GLI2: variants seen among roughly 807,000 people sequenced by gnomAD.
The protein encoded by GLI2 is GLI family zinc finger 2.
GLI2 carries 22 observed loss-of-function variants against 78.9 expected under a neutral mutation model. The ratio of observed to expected loss-of-function variants is 0.28; its 90% CI spans 0.20 to 0.40. The LOEUF is 0.40. Ranked by LOEUF, GLI2 falls within the 10% of genes least tolerant of loss-of-function variation. GLI2 has a pLI of 1.00. For missense variants in GLI2, 2,097 were observed against 2,213.2 expected (o/e 0.95, Z 1.05); for synonymous variants, 974 against 963.7 (o/e 1.01, Z -0.20).
chr2:120,797,485 A>C lies in GLI2; in HGVS notation c.148+17A>C. On this transcript the variant is annotated intron_variant, in intron 2 of 13. Coordinates refer to ENST00000361492, the MANE Select transcript of GLI2 (RefSeq NM_001374353.1). Reference sequence around the variant, plus strand: ...CCCAAGGAGGTACTTTCTGTTTCGCACACTTGGAGGGCAGCAGGGGTGTTT... The same window carrying C: ...CCCAAGGAGGTACTTTCTGTTTCGCCCACTTGGAGGGCAGCAGGGGTGTTT... 2 of 1,611,380 alleles carry C rather than the reference A, an allele frequency of 1.2e-6. No individual in the cohort carries two copies. Among genetic ancestry groups the C allele is most frequent in the Non-Finnish European group, 8.5e-7 (1 of 1,177,774 alleles).
rs532826015 is a variant in GLI2 at position 120,834,353 on chromosome 2, C to T, written c.148+36885C>T. ...GCAGGGCCAGAAGCTTAGGGTTGGC[C>T]GGTTTGAATGATTCTAGCAGTCTCT... On this transcript the variant is annotated intron_variant, in intron 2 of 13. Coordinates refer to ENST00000361492, the MANE Select transcript of GLI2 (RefSeq NM_001374353.1). 1.4e-4 allele frequency among the ~76,000 whole-genome samples: 22 copies of T among 152,218 alleles called. No homozygotes were observed. The South Asian group carries it at 2.7e-3, about 19-fold the overall frequency.
intron 1 of GLI2, among the ~76,000 whole-genome samples, chr2:120,750,008 C>G (rs1682815167): frequency 6.6e-6 from 1 of 152,196 alleles, no homozygotes; most frequent in Admixed American, 6.5e-5. Context: ...CGTCACAGCT[C>G]CCTCTCCTCC....
At chr2:120,837,120 C>G (rs550381959) in intron 2 of GLI2, among the ~76,000 whole-genome samples, 2 of 152,078 alleles carry the variant, frequency 1.3e-5, no homozygotes, top group African/African-American at 4.8e-5. Flanking sequence ...TTAGGCCGGG[C>G]GCGGTGGCTC....
intron 3 of GLI2, among the ~76,000 whole-genome samples, chr2:120,937,094 CCAAA>C (rs1326834027): frequency 5.3e-5 from 8 of 152,150 alleles, no homozygotes; most frequent in Non-Finnish European, 4.4e-5. Context: ...CCTGTGCTGC[CCAAA>C]CAAAGTAGCA....
intron 2 of GLI2, among the ~76,000 whole-genome samples, chr2:120,887,885 C>T (rs1038464088): frequency 1.1e-4 from 16 of 152,166 alleles, no homozygotes; most frequent in Admixed American, 5.2e-4. Flanking sequence ...ATATGACAGG[C>T]GCTAAGAAGC....
intron 3 of GLI2, among the ~76,000 whole-genome samples, chr2:120,949,328 C>A (rs1680868493): frequency 6.6e-6 from 1 of 152,264 alleles, no homozygotes. Context: ...TCCACAGTCT[C>A]CCTCCCATTG....
intron 2 of GLI2, among the ~76,000 whole-genome samples, chr2:120,882,393 C>T (rs966314289): frequency 2.6e-5 from 4 of 152,202 alleles, no homozygotes; most frequent in African/African-American, 7.2e-5. Context: ...CTGCCGGCTG[C>T]GGGATGTGAT....
chr2:120,816,221 C>T (rs1241447183), intron 2 of GLI2, among the ~76,000 whole-genome samples: 1 of 139,220 alleles, frequency 7.2e-6, no homozygotes, highest in Non-Finnish European at 1.5e-5. Context: ...GACTGAGTCT[C>T]GCTGTGTCGC....
intron 2 of GLI2, among the ~76,000 whole-genome samples, chr2:120,811,274 G>T (rs370581021): frequency 6.6e-6 from 1 of 152,188 alleles, no homozygotes; most frequent in Non-Finnish European, 1.5e-5. Context: ...TGGGGTCAGA[G>T]TTGGGCCCTT....
chr2:120,841,850 T>TGG (rs1558827867), intron 2 of GLI2, among the ~76,000 whole-genome samples: 2 of 123,412 alleles, frequency 1.6e-5, no homozygotes, highest in African/African-American at 3.2e-5. Context: ...GTCTGGAGGG[T>TGG]GTGTGTGTGT....
intron 1 of GLI2, among the ~76,000 whole-genome samples, chr2:120,780,256 G>A (rs1683804562): frequency 6.6e-6 from 1 of 152,194 alleles, no homozygotes; most frequent in Non-Finnish European, 1.5e-5. Flanking sequence ...ATCCAGATGA[G>A]CAGATGTCTT....
At chr2:120,764,812 C>G (rs1366453567) in intron 1 of GLI2, among the ~76,000 whole-genome samples, 1 of 152,192 alleles carries the variant, frequency 6.6e-6, no homozygotes, top group South Asian at 2.1e-4. Flanking sequence ...ATTCACATAA[C>G]GTGGAACATC....
chr2:120,909,682 G>A (rs1159686111), intron 2 of GLI2, among the ~76,000 whole-genome samples: 1 of 152,068 alleles, frequency 6.6e-6, no homozygotes, highest in African/African-American at 2.4e-5. Context: ...TGGCTAACAC[G>A]GTGAAACCCT....
intron 1 of GLI2, among the ~76,000 whole-genome samples, chr2:120,795,049 T>G (rs1684320691): frequency 6.6e-6 from 1 of 152,144 alleles, no homozygotes; most frequent in East Asian, 1.9e-4. Context: ...CTTAAAAAGA[T>G]GTGGGAGTAT....
In GLI2 at chr2:120,989,773, G is replaced by C. The variant is rs376921597; in HGVS notation, c.3808G>C (p.Glu1270Gln). Residue 1270 changes from glutamate to glutamine, a missense_variant, in exon 14 of 14, where the codon GAA (glutamate) becomes CAA (glutamine). By Grantham distance (29) the Glu-to-Gln change is conservative. This residue lies in a region of GLI2 where 1,290 missense variants were observed against 1,261.7 expected (regional missense o/e 1.02). Coordinates refer to ENST00000361492, the MANE Select transcript of GLI2 (RefSeq NM_001374353.1). ...GCATCTGGGGCACCCTCAGCAGACAGAAGTGGCACCTGACCCCACCACGAT... is the reference window on the plus strand; with the variant it reads ...GCATCTGGGGCACCCTCAGCAGACACAAGTGGCACCTGACCCCACCACGAT... ...PGHLGHPQQT[E>Q]VAPDPTTMGN... is the part of the protein sequence containing the mutation. The C allele has an allele frequency of 6.2e-7, 1 of 1,611,766 alleles. No individual in the cohort carries two copies.
chr2:120,983,584 G>A (rs910951576), intron 11 of GLI2, among the ~76,000 whole-genome samples: 11 of 152,314 alleles, frequency 7.2e-5, no homozygotes, highest in African/African-American at 1.9e-4. Flanking sequence ...TGGGCCTGCC[G>A]TGGCTGTCAG....
intron 1 of GLI2, among the ~76,000 whole-genome samples, chr2:120,768,169 C>T (rs1683419341): frequency 6.6e-6 from 1 of 152,258 alleles, no homozygotes; most frequent in Non-Finnish European, 1.5e-5. Context: ...CACTGATGAT[C>T]ACAGGAGCCC....
At chr2:120,858,229 C>T (rs888243926) in intron 2 of GLI2, among the ~76,000 whole-genome samples, 1 of 152,188 alleles carries the variant, frequency 6.6e-6, no homozygotes, top group African/African-American at 2.4e-5. Flanking sequence ...CAACAAGTCA[C>T]TTAAGCTTTC....
chr2:120,806,155 A>AG (rs375295827), intron 2 of GLI2, among the ~76,000 whole-genome samples: 1 of 151,968 alleles, frequency 6.6e-6, no homozygotes. Context: ...ATTACTTGGG[A>AG]GGGGGGGAAA....
Sources: allele counts gnomAD v4.1 joint callset (sites outside exome capture counted in the v4.1 genomes callset), GRCh38; gene constraint gnomAD v4.1.1; regional missense constraint gnomAD v4.1.1; transcripts MANE v1.5; gene names NCBI Gene and HGNC (gene_info 2026-07-23, HGNC 2026-07-21).